The following CTNND2 variants were observed in gnomAD, a reference collection of about 807,000 sequenced individuals.
CTNND2 encodes the protein catenin delta-2.
In CTNND2, 22 loss-of-function variants were observed where a neutral mutation model predicts 144.4. The ratio of observed to expected loss-of-function variants is 0.15; its 90% CI spans 0.11 to 0.22. The LOEUF (loss-of-function observed/expected upper bound fraction) is 0.22, where lower values mean the gene tolerates loss of function less well. Among genes scored for constraint, CTNND2 ranks in the 10% least tolerant of loss-of-function variants. The pLI is 1.00. For missense variants in CTNND2, 1,353 were observed against 1,618.8 expected, an observed-to-expected ratio of 0.84 and a Z score of 2.82; for synonymous variants, 751 against 695.6, an observed-to-expected ratio of 1.08 and a Z score of -1.25.
rs370773111 is a variant in CTNND2 at position 11,346,401 on chromosome 5, C to T, written c.1599G>A (p.Pro533=). 4.6e-5 allele frequency: 70 copies of T among 1,506,266 alleles called. No individual in the cohort carries two copies. Among genetic ancestry groups the T allele is most frequent in the Middle Eastern group, 1.8e-4 (1 of 5,680 alleles). The allele number at this position is 1,506,266 out of a possible 1,614,324, so 93.3% of individuals were successfully genotyped here. A position where few individuals can be genotyped will look rare whatever the true frequency, so the allele number is the denominator to read the frequency against. Residue 533 remains proline (P), a synonymous_variant, in exon 9 of 22, where the codon CCG becomes CCA. Coordinates refer to ENST00000304623, the MANE Select transcript of CTNND2 (RefSeq NM_001332.4). ...LPPEGTLARS[P]SIDSIQKDPR... ...GATCTTTCTGAATGCTATCAATGGA[C>T]GGGGACCTGGCCAAGGTGCCTTCAG...
chr5:11,897,502 C>G (rs1304526195), intron 1 of CTNND2, among the ~76,000 whole-genome samples: 1 of 152,092 alleles, frequency 6.6e-6, no homozygotes, highest in Non-Finnish European at 1.5e-5. Context: ...AAATAGCTAG[C>G]CTAGATCACT....
chr5:11,713,978 C>A (rs1484776325), intron 2 of CTNND2, among the ~76,000 whole-genome samples: 1 of 152,144 alleles, frequency 6.6e-6, no homozygotes. Context: ...ATGGCAGGTC[C>A]CTAACAAGAC....
chr5:11,069,964 CT>C (rs1211870481), intron 16 of CTNND2, among the ~76,000 whole-genome samples: 2 of 152,188 alleles, frequency 1.3e-5, no homozygotes, highest in Non-Finnish European at 2.9e-5. Flanking sequence ...AGCCCTCTAC[CT>C]TAGCAACCCC....
intron 1 of CTNND2, among the ~76,000 whole-genome samples, chr5:11,838,136 A>C (rs1010968804): frequency 1.3e-5 from 2 of 152,134 alleles, no homozygotes; most frequent in Non-Finnish European, 2.9e-5. Context: ...CCCTTCCTAT[A>C]AAACATGCCC....
intron 8 of CTNND2, among the ~76,000 whole-genome samples, chr5:11,357,030 G>C (rs188382851): frequency 6.6e-5 from 10 of 151,854 alleles, no homozygotes; most frequent in African/African-American, 2.4e-4. Context: ...AAAAAGAAAA[G>C]TGTTGGCAAG....
rs548627574 is a variant in CTNND2 at position 11,591,107 on chromosome 5, C to A, written c.175-26051G>T. ...GATTTTCCATTACCTGCAAGGCAGA[C>A]AAATGTCCCCATTATGTAACCCTCA... On this transcript the variant is annotated intron_variant, in intron 2 of 21. Coordinates refer to ENST00000304623, the MANE Select transcript of CTNND2 (RefSeq NM_001332.4). Among the ~76,000 whole-genome samples the A allele has an allele frequency of 4.6e-5, 7 of 152,308 alleles. No individual in the cohort carries two copies. In the East Asian group the frequency reaches 7.7e-4, roughly 17 times the overall value.
chr5:10,995,698 A>G (rs1209495566), intron 18 of CTNND2, among the ~76,000 whole-genome samples: 1 of 152,200 alleles, frequency 6.6e-6, no homozygotes, highest in African/African-American at 2.4e-5. Flanking sequence ...AGAGAAGGAA[A>G]AACCTGGGGA....
At chr5:11,708,620 C>A (rs1010255930) in intron 2 of CTNND2, among the ~76,000 whole-genome samples, 1 of 152,066 alleles carries the variant, frequency 6.6e-6, no homozygotes, top group East Asian at 1.9e-4. Flanking sequence ...CTAGGGCGGG[C>A]CTTCTGCAGT....
chr5:11,819,558 A>G (rs1201027919), intron 1 of CTNND2, among the ~76,000 whole-genome samples: 2 of 152,030 alleles, frequency 1.3e-5, no homozygotes, highest in Non-Finnish European at 2.9e-5. Context: ...CAGTGGATCC[A>G]CCCCTGTTCA....
At chr5:10,995,556 C>A (rs192102337) in intron 18 of CTNND2, among the ~76,000 whole-genome samples, 71 of 152,228 alleles carry the variant, frequency 4.7e-4, no homozygotes, top group Admixed American at 4.6e-3. Flanking sequence ...TACAGACAAG[C>A]CTTTGGCAAA....
chr5:11,750,428 T>C (rs1309334199), intron 1 of CTNND2, among the ~76,000 whole-genome samples: 1 of 151,912 alleles, frequency 6.6e-6, no homozygotes, highest in Non-Finnish European at 1.5e-5. Context: ...ACTAGACTGC[T>C]TGGATTAAGC....
At chr5:11,335,371 C>T (rs1032512296) in intron 9 of CTNND2, among the ~76,000 whole-genome samples, 8 of 152,144 alleles carry the variant, frequency 5.3e-5, no homozygotes, top group Admixed American at 2.0e-4. Flanking sequence ...CTTTGTAAGA[C>T]AATAAATATT....
chr5:11,564,050 C>T (rs1776884560), intron 3 of CTNND2, among the ~76,000 whole-genome samples: 2 of 152,082 alleles, frequency 1.3e-5, no homozygotes. Context: ...AGGATGGAGC[C>T]ATAGGGGATG....
chr5:10,988,164 G>A lies in CTNND2; in HGVS notation c.3290C>T (p.Ala1097Val). 6.2e-7 allele frequency: 1 copy of A among 1,614,214 alleles called. No homozygotes were observed. Among genetic ancestry groups the A allele is most frequent in the Non-Finnish European group, 8.5e-7 (1 of 1,180,044 alleles). ...KTDYECTGSNATYHGAKGEHT... is the reference protein window; with the variant it reads ...KTDYECTGSNVTYHGAKGEHT... ...TTCGCCTTTAGCTCCGTGGTAGGTG[G>A]CGTTGCTGCCGGTGCACTCGTAGTC... The change falls in exon 20 of 22, where the codon GCC becomes GTC. Residue 1097 changes from alanine (A) to valine (V), a missense_variant. Ala to Val is a moderately conservative substitution (Grantham distance 64). Around this residue, in one of 4 missense-constraint regions of CTNND2, gnomAD observed 459 missense variants for 674.3 expected, o/e 0.68. Coordinates refer to ENST00000304623, the MANE Select transcript of CTNND2 (RefSeq NM_001332.4). The surrounding 1 kb of genome is among the most constrained non-coding windows in gnomAD (Gnocchi z 5.9).
chr5:11,285,976 T>G (rs1324247927), intron 9 of CTNND2, among the ~76,000 whole-genome samples: 1 of 152,142 alleles, frequency 6.6e-6, no homozygotes, highest in Non-Finnish European at 1.5e-5. Context: ...ACAGCATAAA[T>G]GTAGGAGTAA....
intron 1 of CTNND2, among the ~76,000 whole-genome samples, chr5:11,882,420 C>T (rs1228798041): frequency 6.6e-6 from 1 of 151,900 alleles, no homozygotes; most frequent in Non-Finnish European, 1.5e-5. Flanking sequence ...AGACAGGGTT[C>T]TAGTTTTATT....
chr5:11,788,323 C>A (rs545517405), intron 1 of CTNND2, among the ~76,000 whole-genome samples: 1 of 149,442 alleles, frequency 6.7e-6, no homozygotes, highest in Admixed American at 6.7e-5. Flanking sequence ...TAGTCCTGTC[C>A]TCAAATCTGT....
At chr5:11,503,600 G>A (rs906404160) in intron 3 of CTNND2, among the ~76,000 whole-genome samples, 33 of 152,260 alleles carry the variant, frequency 2.2e-4, no homozygotes, top group African/African-American at 7.5e-4. Context: ...TAAAAGCAGC[G>A]GGGTTGTGTA....
intron 2 of CTNND2, among the ~76,000 whole-genome samples, chr5:11,710,587 AAC>A (rs1785970295): frequency 6.6e-6 from 1 of 152,106 alleles, no homozygotes; most frequent in Non-Finnish European, 1.5e-5. Context: ...TCACAGCAAA[AAC>A]AGCTTGAAGA....
Sources: gnomAD v4.1 joint callset for allele counts (sites outside exome capture counted in the v4.1 genomes callset) on GRCh38, gnomAD v4.1.1 for gene constraint, gnomAD v4.1.1 regional missense constraint, Gnocchi (gnomAD v3.1) non-coding constraint, MANE v1.5 for transcripts, NCBI Gene and HGNC (gene_info 2026-07-23, HGNC 2026-07-21) for gene names.